Variants in MIB1 observed in about 807,000 individuals in gnomAD.
MIB1 encodes MIB E3 ubiquitin protein ligase 1, also known as E3 ubiquitin-protein ligase MIB1.
Under a neutral mutation model 124.5 loss-of-function variants are expected in MIB1, and 278 were observed. The observed-to-expected ratio is 2.23, with a 90% confidence interval of 2.02 to 2.47. MIB1 has a LOEUF of 2.47. Ranked by LOEUF, MIB1 falls within the 30% of genes most tolerant of loss-of-function variation. The pLI is 0.00. For missense variants in MIB1, 957 were observed against 1,254.4 expected, an observed-to-expected ratio of 0.76 and a Z score of 3.58; for synonymous variants, 446 against 429.4, an observed-to-expected ratio of 1.04 and a Z score of -0.48.
intron 12 of MIB1, chr18:21,826,769 T>C (rs936790929): frequency 2.0e-5 from 3 of 152,120 alleles, no homozygotes; most frequent in Non-Finnish European, 4.4e-5. Context: ...TAGAGAAATA[T>C]TCTTTACAGT....
At position 21,835,787 on chromosome 18, in the gene MIB1, AT is replaced by A. The variant is rs1404484817; in HGVS notation, c.1830-2577del. 3.0e-3 allele frequency among the ~76,000 whole-genome samples: 313 copies of A among 102,856 alleles called. 7 individuals are homozygous for A. Among genetic ancestry groups the A allele is most frequent in the African/African-American group, 8.5e-3 (225 of 26,430 alleles). The allele number at this position is 102,856 out of a possible 152,430, so 67.5% of individuals were successfully genotyped here. On this transcript the variant is annotated intron_variant, in intron 12 of 20. Transcript: ENST00000261537. ...TCCATCTCAAGAAAAAAAAAAAAAT[AT>A]ATATATATATATCCACACACACACA...
chr18:21,796,807 GA>G (rs1473849242), intron 7 of MIB1, among the ~76,000 whole-genome samples: 2 of 152,138 alleles, frequency 1.3e-5, no homozygotes, highest in South Asian at 4.1e-4. Flanking sequence ...TGGTTTCTAG[GA>G]CCATGTTAAA....
intron 6 of MIB1, among the ~76,000 whole-genome samples, chr18:21,784,432 C>T (rs956661999): frequency 3.3e-5 from 5 of 152,066 alleles, no homozygotes; most frequent in South Asian, 2.1e-4. Context: ...TATATGTGGA[C>T]GGCAAGCCAC....
At chr18:21,820,251 T>TTTGG (rs1038664165) in intron 12 of MIB1, among the ~76,000 whole-genome samples, 1 of 152,218 alleles carries the variant, frequency 6.6e-6, no homozygotes, top group Non-Finnish European at 1.5e-5. Context: ...AGATTTCCAT[T>TTTGG]AACTCACTTT....
At chr18:21,806,716 C>T (rs1487277262) in intron 10 of MIB1, among the ~76,000 whole-genome samples, 2 of 151,798 alleles carry the variant, frequency 1.3e-5, no homozygotes, top group African/African-American at 2.4e-5. Context: ...CTCTGCCTCC[C>T]GGGTTCACGC....
rs1189349514 is a variant in MIB1, at chr18:21,867,168, CA to C, written c.*2503del. ...TGGGCTTTAGGGATTAGATACACAA[CA>C]GTGGAAAAATGGCATCTTAGCACAC... is the stretch of plus-strand genomic sequence containing the variant. On this transcript the variant is annotated 3_prime_UTR_variant, in exon 21 of 21. Transcript: ENST00000261537. 2 of 152,274 alleles carry C rather than the reference CA, an allele frequency of 1.3e-5. No individual in the cohort carries two copies. The highest frequency in any genetic ancestry group is 3.8e-4 in the East Asian group (2 of 5,200). The allele number at this position is 152,274 out of a possible 1,614,324, so 9.4% of individuals were successfully genotyped here.
upstream of MIB1, among the ~76,000 whole-genome samples, chr18:21,738,939 A>G (rs1182769224): frequency 1.3e-5 from 2 of 150,740 alleles, no homozygotes; most frequent in Non-Finnish European, 3.0e-5. Flanking sequence ...CTAAGATCAG[A>G]GCAGAACTGA....
At chr18:21,843,987 T>C in intron 14 of MIB1, 105 bp from the exon 15 acceptor site, 1 of 1,019,188 alleles carries the variant, frequency 9.8e-7, no homozygotes, top group Non-Finnish European at 1.4e-6. Flanking sequence ...GCTTTAGTGG[T>C]AACTTCTTCA....
At chr18:21,806,292 C>T (rs1163189962) in intron 10 of MIB1, among the ~76,000 whole-genome samples, 1 of 151,744 alleles carries the variant, frequency 6.6e-6, no homozygotes, top group East Asian at 1.9e-4. Flanking sequence ...CCTTGAATTC[C>T]CAGGCTCAAA....
At chr18:21,785,270 G>A (rs577852120) in intron 6 of MIB1, among the ~76,000 whole-genome samples, 1 of 151,786 alleles carries the variant, frequency 6.6e-6, no homozygotes, top group African/African-American at 2.4e-5. Context: ...GGCATTTGGG[G>A]CCGCTACCGG....
At chr18:21,739,732 C>T (rs1042485771), upstream of MIB1, among the ~76,000 whole-genome samples, 1 of 151,356 alleles carries the variant, frequency 6.6e-6, no homozygotes, top group Non-Finnish European at 1.5e-5. Flanking sequence ...CTCCCCACTG[C>T]CCCCCCGCTC....
chr18:21,838,338 T>A lies in MIB1; in HGVS notation c.1830-27T>A, dbSNP rs1457195728. 2.0e-6 allele frequency: 3 copies of A among 1,512,018 alleles called. No homozygotes were observed. In the South Asian group the frequency reaches 3.9e-5, roughly 20 times the overall value. 93.7% of individuals were successfully genotyped at this position (1,512,018 alleles called of 1,614,324 possible). A position where few individuals can be genotyped will look rare whatever the true frequency, so the allele number is the denominator to read the frequency against. On this transcript the variant is annotated intron_variant, in intron 12 of 20. Transcript: ENST00000261537. ...TTGAGTATATCAAATTATGCAAATA[T>A]AGAAATAATGTGAATTTAACTTTCA...
rs553967640 is a variant in MIB1 at position 21,799,821 on chromosome 18, C to G, written c.1238-20C>G. On this transcript the variant is annotated intron_variant, in intron 8 of 20. Coordinates refer to ENST00000261537, the MANE Select transcript of MIB1 (RefSeq NM_020774.4). Reference sequence around the variant, plus strand: ...GTTTGAGATCCTCCTATATTAGCAGCTTTATTTGATGCTTTACAGAAAGAC... The same window carrying G: ...GTTTGAGATCCTCCTATATTAGCAGGTTTATTTGATGCTTTACAGAAAGAC... The G allele has an allele frequency of 1.2e-6, 2 of 1,603,018 alleles. No homozygotes were observed. The highest frequency in any genetic ancestry group is 1.7e-6 in the Non-Finnish European group (2 of 1,173,612).
intron 1 of MIB1, among the ~76,000 whole-genome samples, chr18:21,729,495 A>G (rs1568177698): frequency 6.6e-6 from 1 of 151,734 alleles, no homozygotes; most frequent in African/African-American, 2.4e-5. Flanking sequence ...TTATTATGAT[A>G]ATTATTATTT....
rs558388273 is a variant in MIB1, at chr18:21,787,973, C to T, written c.909-3401C>T. On this transcript the variant is annotated intron_variant, in intron 6 of 20. Transcript: ENST00000261537. ...TTCTCCCTTGTTACCTGGATTAATTCCTCTACATCCTATAAATACTGAGTT... is the reference window on the plus strand; with the variant it reads ...TTCTCCCTTGTTACCTGGATTAATTTCTCTACATCCTATAAATACTGAGTT... 3.9e-4 allele frequency among the ~76,000 whole-genome samples: 59 copies of T among 152,206 alleles called. No individual in the cohort carries two copies. In the South Asian group the frequency reaches 0.011, roughly 29 times the overall value.
At chr18:21,841,623 GT>G (rs147960156) in intron 13 of MIB1, among the ~76,000 whole-genome samples, 42 of 148,572 alleles carry the variant, frequency 2.8e-4, no homozygotes, top group African/African-American at 8.9e-4. Flanking sequence ...CATTGCTGGT[GT>G]TTTTTTTTTA....
chr18:21,705,298 G>A (rs1373827795), intron 1 of MIB1, among the ~76,000 whole-genome samples: 1 of 152,232 alleles, frequency 6.6e-6, no homozygotes, highest in Admixed American at 6.5e-5. Flanking sequence ...ATCACTCTGT[G>A]AATCTTTTTA....
intron 12 of MIB1, among the ~76,000 whole-genome samples, chr18:21,837,369 A>T (rs2040228): frequency 6.6e-6 from 1 of 152,134 alleles, no homozygotes; most frequent in African/African-American, 2.4e-5. Context: ...TTAGCCGGGC[A>T]TGGTGGCAGG....
At chr18:21,753,849 T>C (rs2041002130) in intron 1 of MIB1, among the ~76,000 whole-genome samples, 1 of 152,066 alleles carries the variant, frequency 6.6e-6, no homozygotes, top group African/African-American at 2.4e-5. Context: ...GTTAATTTTT[T>C]GTGTTTTTAT....
Sources: allele counts gnomAD v4.1 joint callset (sites outside exome capture counted in the v4.1 genomes callset), GRCh38; gene constraint gnomAD v4.1.1; transcripts MANE v1.5; gene names NCBI Gene and HGNC (gene_info 2026-07-23, HGNC 2026-07-21).